The following BCKDHB variants were observed in gnomAD, a reference collection of about 807,000 sequenced individuals.
The protein encoded by BCKDHB is 2-oxoisovalerate dehydrogenase subunit beta, mitochondrial.
A neutral mutation model predicts 48.5 loss-of-function variants in BCKDHB; 41 were observed. The ratio of observed to expected loss-of-function variants is 0.85; its 90% CI spans 0.66 to 1.10. The LOEUF (loss-of-function observed/expected upper bound fraction) is 1.10, where lower values mean the gene tolerates loss of function less well. BCKDHB is among the 50% of genes least tolerant of loss of function. The pLI is 0.00. For missense variants in BCKDHB, 496 were observed against 494.2 expected (o/e 1.00, Z -0.03); for synonymous variants, 201 against 174.8 (o/e 1.15, Z -1.18).
the BCKDHB span, among the ~76,000 whole-genome samples, chr6:80,414,819 G>A: frequency 1.3e-5 from 2 of 152,108 alleles, no homozygotes; most frequent in African/African-American, 2.4e-5. Flanking sequence ...AATAGGAGTA[G>A]CATTGAACCT....
chr6:80,184,881 C>T (rs754883288), intron 6 of BCKDHB, among the ~76,000 whole-genome samples: 12 of 152,252 alleles, frequency 7.9e-5, no homozygotes, highest in East Asian at 7.7e-4. Context: ...TTTCCTTTGT[C>T]TTGACTTTAG....
chr6:80,314,238 G>T (rs931964660), intron 9 of BCKDHB, among the ~76,000 whole-genome samples: 1 of 152,210 alleles, frequency 6.6e-6, no homozygotes, highest in Non-Finnish European at 1.5e-5. Context: ...TCTTCTATTT[G>T]GGTAGAGAGT....
At chr6:80,316,212 A>G (rs951932344) in intron 9 of BCKDHB, among the ~76,000 whole-genome samples, 2 of 152,248 alleles carry the variant, frequency 1.3e-5, no homozygotes, top group Non-Finnish European at 2.9e-5. Context: ...AAACATTTAT[A>G]AACCTCAATG....
intron 9 of BCKDHB, among the ~76,000 whole-genome samples, chr6:80,317,479 T>C (rs1768506527): frequency 6.6e-6 from 1 of 152,162 alleles, no homozygotes; most frequent in African/African-American, 2.4e-5. Flanking sequence ...AGAAATTGCA[T>C]CTCGCGCATC....
intron 9 of BCKDHB, among the ~76,000 whole-genome samples, chr6:80,308,663 C>T (rs1179649308): frequency 4.6e-5 from 7 of 151,462 alleles, no homozygotes; most frequent in South Asian, 4.2e-4. Context: ...GGCGTGATCC[C>T]GGCTCACTGC....
chr6:80,413,648 C>T, the BCKDHB span, among the ~76,000 whole-genome samples: 1 of 152,192 alleles, frequency 6.6e-6, no homozygotes, highest in African/African-American at 2.4e-5. Context: ...GTTATGCCTG[C>T]ATAGTATTCC....
chr6:80,264,568 C>T (rs924656381), intron 8 of BCKDHB, among the ~76,000 whole-genome samples: 8 of 151,974 alleles, frequency 5.3e-5, no homozygotes, highest in Non-Finnish European at 1.2e-4. Flanking sequence ...GCTGATTTAC[C>T]GTTGAAGATT....
the BCKDHB span, among the ~76,000 whole-genome samples, chr6:80,431,009 G>T: frequency 6.6e-6 from 1 of 152,004 alleles, no homozygotes; most frequent in African/African-American, 2.4e-5. Flanking sequence ...CAGAGATTCT[G>T]GTCCGTTGTG....
Position 80,344,292 on chromosome 6 carries a change from A to ACCAAGAT in BCKDHB, c.*489_*490insCAAGATC. 5.1e-6 allele frequency: 1 copy of ACCAAGAT among 196,674 alleles called. No individual in the cohort carries two copies. The highest frequency in any genetic ancestry group is 5.4e-5 in the Admixed American group (1 of 18,624). The allele number at this position is 196,674 out of a possible 1,614,324, so 12.2% of individuals were successfully genotyped here. A position where few individuals can be genotyped will look rare whatever the true frequency, so the allele number is the denominator to read the frequency against. ...AGTGCTGGGATTACAGGCATGAGCC[A>ACCAAGAT]CTGCACCTGGCTATATTTACATTTA... On this transcript the variant is annotated 3_prime_UTR_variant, in exon 10 of 10. Coordinates refer to ENST00000320393, the MANE Select transcript of BCKDHB (RefSeq NM_183050.4).
chr6:80,406,465 C>A, the BCKDHB span, among the ~76,000 whole-genome samples: 1 of 152,212 alleles, frequency 6.6e-6, no homozygotes, highest in Non-Finnish European at 1.5e-5. Context: ...AATTTACACT[C>A]CCACCAACAG....
the BCKDHB span, among the ~76,000 whole-genome samples, chr6:80,404,671 A>G: frequency 1.3e-5 from 2 of 151,570 alleles, no homozygotes; most frequent in African/African-American, 4.8e-5. Flanking sequence ...ATTTGTGATC[A>G]TTCTTTTTTC....
the BCKDHB span, among the ~76,000 whole-genome samples, chr6:80,436,745 C>G: frequency 6.6e-6 from 1 of 152,158 alleles, no homozygotes; most frequent in South Asian, 2.1e-4. Context: ...TGAAGAAGAT[C>G]TACAGTTTAT....
chr6:80,342,572 AAAAAAAAGAAAG>A (rs1454667572), intron 9 of BCKDHB, among the ~76,000 whole-genome samples: 10 of 146,176 alleles, frequency 6.8e-5, no homozygotes, highest in Non-Finnish European at 1.2e-4. Context: ...AAAAAAAAAA[AAAAAAAAGAAAG>A]GGAAGAAAGG....
chr6:80,426,493 G>A, the BCKDHB span, among the ~76,000 whole-genome samples: 1 of 151,998 alleles, frequency 6.6e-6, no homozygotes, highest in Non-Finnish European at 1.5e-5. Flanking sequence ...TGCTTTAGCT[G>A]CCTCCCATAA....
intron 8 of BCKDHB, among the ~76,000 whole-genome samples, chr6:80,252,179 T>C (rs1776863866): frequency 6.6e-6 from 1 of 152,226 alleles, no homozygotes; most frequent in Admixed American, 6.5e-5. Context: ...GCAGAAGTGC[T>C]AGGGGTTGAA....
At chr6:80,461,285 C>A in the BCKDHB span, among the ~76,000 whole-genome samples, 1 of 152,100 alleles carries the variant, frequency 6.6e-6, no homozygotes, top group Non-Finnish European at 1.5e-5. Context: ...CATTCAAAAA[C>A]CATTCTTGAG....
chr6:80,111,738 G>C lies in BCKDHB; in HGVS notation c.196+4849G>C, dbSNP rs561707122. On this transcript the variant is annotated intron_variant, in intron 1 of 9. Transcript: ENST00000320393. ...CACTAGAAACTAAAAAATGTCTATGGTTTTATATATATGCATACACAAGTA... is the reference window on the plus strand; with the variant it reads ...CACTAGAAACTAAAAAATGTCTATGCTTTTATATATATGCATACACAAGTA... 3.3e-5 allele frequency among the ~76,000 whole-genome samples: 5 copies of C among 152,114 alleles called. No individual in the cohort carries two copies. In the South Asian group the frequency reaches 1.0e-3, roughly 32 times the overall value.
intron 8 of BCKDHB, among the ~76,000 whole-genome samples, chr6:80,258,240 A>C (rs2127946505): frequency 6.6e-6 from 1 of 152,310 alleles, no homozygotes; most frequent in East Asian, 1.9e-4. Context: ...AGAAGCATTC[A>C]AAGATCACTG....
chr6:80,319,280 T>C (rs1470239778), intron 9 of BCKDHB, among the ~76,000 whole-genome samples: 1 of 152,234 alleles, frequency 6.6e-6, no homozygotes, highest in Non-Finnish European at 1.5e-5. Context: ...GTATGTGGGC[T>C]TATATGAATT....
Sources: gnomAD v4.1 joint callset for allele counts (sites outside exome capture counted in the v4.1 genomes callset) on GRCh38, gnomAD v4.1.1 for gene constraint, MANE v1.5 for transcripts, NCBI Gene and HGNC (gene_info 2026-07-23, HGNC 2026-07-21) for gene names.